The following GALNT13 variants were observed in gnomAD, a reference collection of about 807,000 sequenced individuals.
GALNT13 encodes polypeptide N-acetylgalactosaminyltransferase 13, also known as UDP-GalNAc:polypeptide N-acetylgalactosaminyltransferase 13.
A neutral mutation model predicts 64.2 loss-of-function variants in GALNT13; 28 were observed. The ratio of observed to expected loss-of-function variants is 0.44; its 90% confidence interval spans 0.32 to 0.60. GALNT13 has a LOEUF of 0.60. Among genes scored for constraint, GALNT13 ranks in the 20% least tolerant of loss-of-function variants. The pLI is 0.05. For synonymous variants in GALNT13, 214 were observed against 224.6 expected (o/e 0.95, Z 0.42); for missense variants, 577 against 669.8 (o/e 0.86, Z 1.53).
At chr2:153,114,421 G>C in the GALNT13 span, among the ~76,000 whole-genome samples, 1 of 152,138 alleles carries the variant, frequency 6.6e-6, no homozygotes, top group Non-Finnish European at 1.5e-5. Flanking sequence ...GTTGTCAGCA[G>C]TCTGATGAAA....
At chr2:153,703,030 G>A in the GALNT13 span, among the ~76,000 whole-genome samples, 1 of 152,094 alleles carries the variant, frequency 6.6e-6, no homozygotes, top group South Asian at 2.1e-4. Context: ...GGGTCTCCTG[G>A]AAGCCAAGTA....
At chr2:154,296,732 G>A (rs1355502210) in intron 8 of GALNT13, among the ~76,000 whole-genome samples, 1 of 152,022 alleles carries the variant, frequency 6.6e-6, no homozygotes, top group African/African-American at 2.4e-5. Flanking sequence ...AAATAACTGG[G>A]GTGGGGCTAC....
intron 9 of GALNT13, among the ~76,000 whole-genome samples, chr2:154,354,362 T>C (rs1343501981): frequency 6.6e-6 from 1 of 151,672 alleles, no homozygotes; most frequent in East Asian, 1.9e-4. Flanking sequence ...ATTTTGTTTT[T>C]TCCTTTGCCA....
At chr2:153,174,999 G>A in the GALNT13 span, among the ~76,000 whole-genome samples, 1 of 152,066 alleles carries the variant, frequency 6.6e-6, no homozygotes, top group Non-Finnish European at 1.5e-5. Context: ...AGGATTATTA[G>A]ATTTGATTAC....
rs112105731 is a variant in GALNT13, at chr2:154,180,697, A to G, written c.311+40192A>G. Among the ~76,000 whole-genome samples, 1,177 of 152,264 alleles carry G rather than the reference A, an allele frequency of 7.7e-3. 15 individuals carry two copies. Among genetic ancestry groups the G allele is most frequent in the African/African-American group, 0.027 (1,105 of 41,564 alleles). Reference sequence around the variant, plus strand: ...TAAATTAAAGTCCCTATAGGGGTGTATCTATCTGTATATCTAAATTAACCT... The same window carrying G: ...TAAATTAAAGTCCCTATAGGGGTGTGTCTATCTGTATATCTAAATTAACCT... On this transcript the variant is annotated intron_variant, in intron 4 of 12. Transcript: ENST00000392825.
At chr2:153,567,649 T>C in the GALNT13 span, among the ~76,000 whole-genome samples, 1 of 152,016 alleles carries the variant, frequency 6.6e-6, no homozygotes, top group South Asian at 2.1e-4. Flanking sequence ...GGAAGTGAGA[T>C]AGGACACCAA....
the GALNT13 span, among the ~76,000 whole-genome samples, chr2:153,366,980 A>G: frequency 2.0e-5 from 3 of 148,982 alleles, no homozygotes; most frequent in Non-Finnish European, 3.0e-5. Context: ...TACCTACTGA[A>G]CATAAAATAA....
chr2:154,194,556 G>T (rs1371897125), intron 4 of GALNT13, among the ~76,000 whole-genome samples: 3 of 152,122 alleles, frequency 2.0e-5, no homozygotes, highest in Non-Finnish European at 4.4e-5. Context: ...TGGTAAATCT[G>T]AATTTTGTTG....
At chr2:153,090,016 T>C in the GALNT13 span, among the ~76,000 whole-genome samples, 1 of 152,156 alleles carries the variant, frequency 6.6e-6, no homozygotes, top group South Asian at 2.1e-4. Context: ...ACCCTCTTTT[T>C]TCATATTACC....
At chr2:153,731,116 CAT>C in the GALNT13 span, among the ~76,000 whole-genome samples, 1 of 151,230 alleles carries the variant, frequency 6.6e-6, no homozygotes, top group Admixed American at 6.6e-5. Context: ...GTGTGAATGT[CAT>C]ATATATGACA....
chr2:154,397,562 A>C (rs574222910), intron 10 of GALNT13, among the ~76,000 whole-genome samples: 2 of 152,230 alleles, frequency 1.3e-5, no homozygotes, highest in African/African-American at 4.8e-5. Flanking sequence ...ATATGGTTTA[A>C]TCTAATACTT....
At chr2:153,236,226 A>G in the GALNT13 span, among the ~76,000 whole-genome samples, 1 of 152,200 alleles carries the variant, frequency 6.6e-6, no homozygotes, top group African/African-American at 2.4e-5. Context: ...AAATGTCTCC[A>G]TAACATAAAA....
At chr2:153,507,281 CTTT>C in the GALNT13 span, among the ~76,000 whole-genome samples, 1 of 151,708 alleles carries the variant, frequency 6.6e-6, no homozygotes, top group Non-Finnish European at 1.5e-5. Flanking sequence ...TTCTTTCCTT[CTTT>C]TTTATTTTTA....
chr2:153,534,220 A>G, the GALNT13 span, among the ~76,000 whole-genome samples: 2 of 152,148 alleles, frequency 1.3e-5, no homozygotes, highest in Non-Finnish European at 2.9e-5. Flanking sequence ...TGCCTTTAGT[A>G]TACCTTGTAC....
chr2:153,371,731 GA>G, the GALNT13 span, among the ~76,000 whole-genome samples: 1 of 152,112 alleles, frequency 6.6e-6, no homozygotes. Context: ...TAATTTGATT[GA>G]AAAAATTAAT....
At chr2:153,637,058 A>C in the GALNT13 span, among the ~76,000 whole-genome samples, 2 of 152,134 alleles carry the variant, frequency 1.3e-5, no homozygotes, top group African/African-American at 4.8e-5. Flanking sequence ...AAAAAAGGTG[A>C]AATGTCCTTT....
rs552581814 is a variant in GALNT13, at chr2:154,256,069, A to G, written c.858-2952A>G. On this transcript the variant is annotated intron_variant, in intron 7 of 12. Transcript: ENST00000392825. Reference sequence around the variant, plus strand: ...AGACCCTGTCTCAAAAAAAGAAAAAAAAAACTCAGTTAAAAATAAGGTAAA... The same window carrying G: ...AGACCCTGTCTCAAAAAAAGAAAAAGAAAACTCAGTTAAAAATAAGGTAAA... 3.9e-5 allele frequency among the ~76,000 whole-genome samples: 6 copies of G among 152,090 alleles called. No individual in the cohort carries two copies. In the South Asian group the frequency reaches 1.0e-3, roughly 26 times the overall value.
At chr2:153,087,663 G>C in the GALNT13 span, among the ~76,000 whole-genome samples, 1 of 151,922 alleles carries the variant, frequency 6.6e-6, no homozygotes, top group East Asian at 1.9e-4. Flanking sequence ...TCCTCTATCT[G>C]TTCAGTGTTT....
the GALNT13 span, among the ~76,000 whole-genome samples, chr2:153,658,815 T>A: frequency 6.6e-6 from 1 of 151,864 alleles, no homozygotes; most frequent in African/African-American, 2.4e-5. Flanking sequence ...ATCCAGAAAT[T>A]CACATTCTCT....
Sources: gnomAD v4.1 joint callset for allele counts (sites outside exome capture counted in the v4.1 genomes callset) on GRCh38, gnomAD v4.1.1 for gene constraint, MANE v1.5 for transcripts, NCBI Gene and HGNC (gene_info 2026-07-23, HGNC 2026-07-21) for gene names.